CRACDL: variants seen among roughly 807,000 people sequenced by gnomAD.
CRACDL encodes CRACD like, also known as CRACD-like protein.
In CRACDL, 26 loss-of-function variants were observed where a neutral mutation model predicts 70.6. That is an observed-to-expected ratio of 0.37 (90% CI 0.27 to 0.51). The LOEUF (loss-of-function observed/expected upper bound fraction) is 0.51. Among genes scored for constraint, CRACDL ranks in the 20% least tolerant of loss-of-function variants. CRACDL has a pLI of 0.94. For missense variants in CRACDL, 1,283 were observed against 1,376.9 expected, an observed-to-expected ratio of 0.93 and a Z score of 1.08; for synonymous variants, 618 against 615.2, an observed-to-expected ratio of 1.00 and a Z score of -0.07.
At chr2:98,838,426 A>C (rs972673814) in intron 2 of CRACDL, 139 bp from the exon 3 acceptor site, 1 of 523,526 alleles carries the variant, frequency 1.9e-6, no homozygotes, top group African/African-American at 1.9e-5. Flanking sequence ...AAGTCCTTTT[A>C]CTTCGCAAAA....
At chr2:98,880,858 C>A (rs2104615365) in intron 1 of CRACDL, among the ~76,000 whole-genome samples, 1 of 152,334 alleles carries the variant, frequency 6.6e-6, no homozygotes, top group Non-Finnish European at 1.5e-5. Flanking sequence ...GTGACACATC[C>A]ACCTCCCCGC....
At chr2:98,834,486 T>C (rs184069141) in intron 3 of CRACDL, among the ~76,000 whole-genome samples, 1 of 152,294 alleles carries the variant, frequency 6.6e-6, no homozygotes, top group African/African-American at 2.4e-5. Flanking sequence ...GTTCACAGCA[T>C]GTCAGCACTG....
chr2:98,873,408 C>T (rs544845410), intron 1 of CRACDL, among the ~76,000 whole-genome samples: 1 of 152,244 alleles, frequency 6.6e-6, no homozygotes, highest in East Asian at 1.9e-4. Flanking sequence ...GTCCCCAGAA[C>T]ACAGCTTCCC....
chr2:98,829,810 G>T (rs545965205), intron 5 of CRACDL, among the ~76,000 whole-genome samples: 1 of 152,186 alleles, frequency 6.6e-6, no homozygotes, highest in South Asian at 2.1e-4. Flanking sequence ...GTGCATGCAG[G>T]AAGGACCACT....
chr2:98,804,522 C>G (rs141993814), intron 7 of CRACDL, among the ~76,000 whole-genome samples: 1 of 152,176 alleles, frequency 6.6e-6, no homozygotes, highest in East Asian at 1.9e-4. Context: ...TGTTTTAGCT[C>G]TTACACCGTA....
intron 1 of CRACDL, among the ~76,000 whole-genome samples, chr2:98,871,189 G>A (rs1300620973): frequency 6.6e-6 from 1 of 152,180 alleles, no homozygotes; most frequent in African/African-American, 2.4e-5. Context: ...AGAACCAAAC[G>A]AAAAGGTCAG....
chr2:98,804,890 T>A (rs1411640239), intron 7 of CRACDL, among the ~76,000 whole-genome samples: 2 of 152,254 alleles, frequency 1.3e-5, no homozygotes, highest in Non-Finnish European at 2.9e-5. Context: ...AGTGGCTCAG[T>A]ACTTGCTAAG....
intron 1 of CRACDL, among the ~76,000 whole-genome samples, 182 bp from the exon 2 acceptor site, chr2:98,846,992 C>A (rs1573060446): frequency 6.6e-6 from 1 of 152,218 alleles, no homozygotes; most frequent in African/African-American, 2.4e-5. Flanking sequence ...AGATCAGTAA[C>A]CGCATAAGCG....
chr2:98,932,381 C>T (rs1709099608), intron 1 of CRACDL, among the ~76,000 whole-genome samples: 1 of 152,230 alleles, frequency 6.6e-6, no homozygotes, highest in African/African-American at 2.4e-5. Context: ...CCAGTGTGAA[C>T]TGAGTGTGAA....
chr2:98,923,968 G>C (rs1708859469), intron 1 of CRACDL, among the ~76,000 whole-genome samples: 1 of 152,202 alleles, frequency 6.6e-6, no homozygotes, highest in African/African-American at 2.4e-5. Context: ...TGACAGTGAA[G>C]AGCTTAAGCC....
At chr2:98,820,879 C>G (rs1053502145) in intron 7 of CRACDL, among the ~76,000 whole-genome samples, 2 of 152,146 alleles carry the variant, frequency 1.3e-5, no homozygotes, top group Admixed American at 6.5e-5. Context: ...GATTATGAAG[C>G]AGGAGGAAAT....
chr2:98,884,561 T>C (rs1707751370), intron 1 of CRACDL, among the ~76,000 whole-genome samples: 1 of 152,024 alleles, frequency 6.6e-6, no homozygotes, highest in South Asian at 2.1e-4. Flanking sequence ...AATTGTTAGG[T>C]CCCCTGCCTA....
chr2:98,907,264 C>T (rs562488911), intron 1 of CRACDL, among the ~76,000 whole-genome samples: 24 of 152,270 alleles, frequency 1.6e-4, no homozygotes, highest in Non-Finnish European at 2.8e-4. Flanking sequence ...TGCACTGCAG[C>T]CTAGGCGACA....
intron 7 of CRACDL, 108 bp downstream of exon 7, chr2:98,821,749 T>G: frequency 7.3e-7 from 1 of 1,378,852 alleles, no homozygotes; most frequent in South Asian, 1.4e-5. Flanking sequence ...CCAATTCCCC[T>G]GCAACAAAGT....
chr2:98,803,845 C>G (rs566663864), intron 7 of CRACDL, among the ~76,000 whole-genome samples: 4 of 152,320 alleles, frequency 2.6e-5, no homozygotes, highest in African/African-American at 9.6e-5. Context: ...CCATCCAGGT[C>G]CACTGCCACA....
At position 98,936,075 on chromosome 2, in the gene CRACDL, C is replaced by G. The variant is rs1709200760; in HGVS notation, c.-148G>C. 6.6e-6 allele frequency: 1 copy of G among 151,886 alleles called. No individual in the cohort carries two copies. Among genetic ancestry groups the G allele is most frequent in the Non-Finnish European group, 1.5e-5 (1 of 67,918 alleles). The allele number at this position is 151,886 out of a possible 1,614,324, so 9.4% of individuals were successfully genotyped here. A position where few individuals can be genotyped will look rare whatever the true frequency, so the allele number is the denominator to read the frequency against. On this transcript the variant is annotated 5_prime_UTR_variant, in exon 1 of 10. Transcript: ENST00000397899. ...AAGCCGGGGCGACGCAGCAGGTGGC[C>G]GCGCGGCCTCCAGACAGCCCGGGTC...
intron 1 of CRACDL, among the ~76,000 whole-genome samples, chr2:98,902,363 T>C (rs1230420384): frequency 6.6e-6 from 1 of 152,108 alleles, no homozygotes; most frequent in African/African-American, 2.4e-5. Context: ...ACCCTGCCTC[T>C]CAGCCAGGAA....
chr2:98,884,867 G>C (rs1007402824), intron 1 of CRACDL, among the ~76,000 whole-genome samples: 1 of 152,174 alleles, frequency 6.6e-6, no homozygotes, highest in African/African-American at 2.4e-5. Flanking sequence ...CCCAGTTCAT[G>C]GTATTCTGTT....
chr2:98,880,619 A>G (rs555840641), intron 1 of CRACDL, among the ~76,000 whole-genome samples: 5 of 152,190 alleles, frequency 3.3e-5, no homozygotes, highest in African/African-American at 9.6e-5. Flanking sequence ...CCCCTGGGTT[A>G]GTAAGAGGAT....
Sources: gnomAD v4.1 joint callset for allele counts (sites outside exome capture counted in the v4.1 genomes callset) on GRCh38, gnomAD v4.1.1 for gene constraint, MANE v1.5 for transcripts, NCBI Gene and HGNC (gene_info 2026-07-23, HGNC 2026-07-21) for gene names.